PTPRG: variants seen among roughly 807,000 people sequenced by gnomAD.
PTPRG encodes the protein receptor-type tyrosine-protein phosphatase gamma.
In PTPRG, 102 loss-of-function variants were observed where a neutral mutation model predicts 165.3. The ratio of observed to expected loss-of-function variants is 0.62; its 90% confidence interval spans 0.53 to 0.73. The LOEUF (loss-of-function observed/expected upper bound fraction) is 0.73, where lower values mean the gene tolerates loss of function less well. Ranked by LOEUF, PTPRG falls within the 30% of genes least tolerant of loss-of-function variation. The pLI is 0.00. For synonymous variants in PTPRG, 675 were observed against 669.5 expected (o/e 1.01, Z -0.13); for missense variants, 1,866 against 1,861.4 (o/e 1.00, Z -0.05).
intron 2 of PTPRG, among the ~76,000 whole-genome samples, chr3:61,982,432 A>G (rs77918213): frequency 0.037 from 5,655 of 152,218 alleles, 196 homozygotes; most frequent in East Asian, 0.19. Flanking sequence ...AACTTGAAAG[A>G]TATAACTTTT....
At chr3:62,055,354 G>A (rs1480279712) in intron 4 of PTPRG, among the ~76,000 whole-genome samples, 1 of 152,172 alleles carries the variant, frequency 6.6e-6, no homozygotes, top group African/African-American at 2.4e-5. Context: ...TTAAATCATT[G>A]AGGCTGGGCA....
chr3:61,837,759 G>T (rs1033700868), intron 2 of PTPRG, among the ~76,000 whole-genome samples: 1 of 152,172 alleles, frequency 6.6e-6, no homozygotes, highest in Non-Finnish European at 1.5e-5. Flanking sequence ...TAGTCCATTA[G>T]GGCAGCTATA....
chr3:62,002,295 A>C (rs1410111471), intron 3 of PTPRG, among the ~76,000 whole-genome samples: 3 of 152,202 alleles, frequency 2.0e-5, no homozygotes, highest in African/African-American at 7.2e-5. Flanking sequence ...GGATCTCTTT[A>C]GGAAGAGGAG....
At chr3:61,680,848 C>T (rs1233678891) in intron 1 of PTPRG, among the ~76,000 whole-genome samples, 1 of 115,272 alleles carries the variant, frequency 8.7e-6, no homozygotes, top group African/African-American at 2.9e-5. Flanking sequence ...GTGTAACTTG[C>T]TGGGTGTTGG....
In PTPRG at chr3:61,890,301, T is replaced by C. The variant is rs575806361; in HGVS notation, c.191-99324T>C. Among the ~76,000 whole-genome samples, 3 of 152,332 alleles carry C rather than the reference T, an allele frequency of 2.0e-5. No individual in the cohort carries two copies. In the South Asian group the frequency reaches 6.2e-4, roughly 32 times the overall value. ...GTTGTCATTCATTCTTTGGTTCTCC[T>C]TTTCTGTGAATGTATCTTAGTCTGT... is the stretch of plus-strand genomic sequence containing the variant. On this transcript the variant is annotated intron_variant, in intron 2 of 29. Coordinates refer to ENST00000474889, the MANE Select transcript of PTPRG (RefSeq NM_002841.4).
intron 5 of PTPRG, among the ~76,000 whole-genome samples, chr3:62,122,831 G>C (rs1703127786): frequency 6.6e-6 from 1 of 152,140 alleles, no homozygotes; most frequent in African/African-American, 2.4e-5. Flanking sequence ...AACTCATCTA[G>C]AAGGAGGGGA....
rs73839741 is a variant in PTPRG at position 61,826,893 on chromosome 3, G to A, written c.190+77911G>A. ...ACCTAACCTGTCCTGAAATCATTTG[G>A]TGATTGAAGTAGTAATTACTATGCT... On this transcript the variant is annotated intron_variant, in intron 2 of 29. Transcript: ENST00000474889. Among the ~76,000 whole-genome samples the A allele has an allele frequency of 1.3e-3, 189 of 150,936 alleles. 2 individuals carry two copies. Among genetic ancestry groups the A allele is most frequent in the African/African-American group, 4.5e-3 (184 of 41,020 alleles).
intron 8 of PTPRG, among the ~76,000 whole-genome samples, chr3:62,179,276 A>G (rs1490740382): frequency 6.6e-6 from 1 of 152,158 alleles, no homozygotes; most frequent in African/African-American, 2.4e-5. Flanking sequence ...CCTTCTCAGC[A>G]CAGCCAGTGG....
chr3:62,094,444 C>A (rs1346576349), intron 5 of PTPRG, among the ~76,000 whole-genome samples: 2 of 152,160 alleles, frequency 1.3e-5, no homozygotes, highest in Non-Finnish European at 2.9e-5. Context: ...TCGCTCTCTC[C>A]TGAAATCTGG....
chr3:62,061,764 G>C (rs1420819237), intron 4 of PTPRG, among the ~76,000 whole-genome samples: 2 of 143,684 alleles, frequency 1.4e-5, no homozygotes, highest in Non-Finnish European at 3.1e-5. Context: ...GGGTAGCTGG[G>C]ATTATAGGCG....
At chr3:61,597,131 C>A (rs1207371133) in intron 1 of PTPRG, among the ~76,000 whole-genome samples, 1 of 152,100 alleles carries the variant, frequency 6.6e-6, no homozygotes, top group Non-Finnish European at 1.5e-5. Flanking sequence ...CAGTAACAAA[C>A]CCACTCCCTC....
At chr3:61,711,689 T>C (rs2031564169) in intron 1 of PTPRG, among the ~76,000 whole-genome samples, 1 of 152,174 alleles carries the variant, frequency 6.6e-6, no homozygotes, top group South Asian at 2.1e-4. Flanking sequence ...AATGTGTACA[T>C]CTGACAAAGG....
chr3:61,900,753 C>T (rs925467124), intron 2 of PTPRG, among the ~76,000 whole-genome samples: 2 of 151,894 alleles, frequency 1.3e-5, no homozygotes, highest in Non-Finnish European at 2.9e-5. Flanking sequence ...GAATTCAGAA[C>T]ACATAATTTT....
At chr3:62,169,218 C>A (rs1278244682) in intron 8 of PTPRG, among the ~76,000 whole-genome samples, 5 of 152,046 alleles carry the variant, frequency 3.3e-5, no homozygotes, top group African/African-American at 1.2e-4. Context: ...GAGGGTGGGG[C>A]CTTTGCCCGG....
chr3:61,988,920 G>A (rs2040823853), intron 2 of PTPRG, among the ~76,000 whole-genome samples: 1 of 152,158 alleles, frequency 6.6e-6, no homozygotes, highest in Non-Finnish European at 1.5e-5. Context: ...TTATGGTTGT[G>A]CTTTCTTCAT....
chr3:62,262,058 T>C (rs973436458), intron 16 of PTPRG: 19 of 152,338 alleles, frequency 1.2e-4, no homozygotes, highest in African/African-American at 4.1e-4. Flanking sequence ...AAGCATATAG[T>C]GTAGAAAAAT....
intron 1 of PTPRG, among the ~76,000 whole-genome samples, chr3:61,613,559 G>A (rs746460530): frequency 6.6e-5 from 10 of 152,192 alleles, no homozygotes; most frequent in Non-Finnish European, 1.2e-4. Flanking sequence ...TACAGTGCCA[G>A]GTACAATCTT....
chr3:61,925,042 G>C (rs966762150), intron 2 of PTPRG, among the ~76,000 whole-genome samples: 1 of 151,998 alleles, frequency 6.6e-6, no homozygotes, highest in African/African-American at 2.4e-5. Flanking sequence ...CCCTGATTTT[G>C]GACTTCCTAG....
At chr3:61,860,110 A>C (rs1387079870) in intron 2 of PTPRG, among the ~76,000 whole-genome samples, 2 of 152,202 alleles carry the variant, frequency 1.3e-5, no homozygotes, top group African/African-American at 4.8e-5. Context: ...TAGTCCTGTT[A>C]CTAAAGATGT....
Sources: gnomAD v4.1 joint callset for allele counts (sites outside exome capture counted in the v4.1 genomes callset) on GRCh38, gnomAD v4.1.1 for gene constraint, MANE v1.5 for transcripts, NCBI Gene and HGNC (gene_info 2026-07-23, HGNC 2026-07-21) for gene names.